Variants in ATP8B3 observed in about 807,000 individuals in gnomAD.
ATP8B3 encodes ATPase phospholipid transporting 8B3, also known as phospholipid-transporting ATPase IK.
ATP8B3 carries 141 observed loss-of-function variants against 140.9 expected under a neutral mutation model. That is an observed-to-expected ratio of 1.00 (90% CI 0.87 to 1.15). The LOEUF is 1.15. Among genes scored for constraint, ATP8B3 ranks in the 50% most tolerant of loss-of-function variants. ATP8B3 has a pLI of 0.00. For missense variants in ATP8B3, 1,874 were observed against 1,740.6 expected (o/e 1.08, Z -1.36); for synonymous variants, 765 against 714.6 (o/e 1.07, Z -1.13).
chr19:1,805,428 G>A lies in ATP8B3; in HGVS notation c.850C>T (p.Leu284=). The change falls in exon 10 of 29, where the codon CTG becomes TTG. Residue 284 remains leucine (L), a synonymous_variant. Transcript: ENST00000310127. The surrounding 1 kb of genome is among the most constrained non-coding windows in gnomAD (Gnocchi z 5.2). The part of the protein sequence containing the change: ...GETNLKFRQA[L]MVTHKELATI... The stretch of plus-strand genomic sequence containing the variant: ...GCCAGTTCTTTGTGGGTGACCATCA[G>A]GGCCTGTCTGAACTTCAAGTTGGTC... 1 of 1,565,512 alleles carries A rather than the reference G, an allele frequency of 6.4e-7. No homozygotes were observed.
chr19:1,789,353 C>T lies in ATP8B3; in HGVS notation c.2845+8G>A, dbSNP rs1222347832. ...CCAGGCACCCCCAGCCCCGCCGCCG[C>T]CACCCACTCTTGATCATGTTGATGT... On this transcript the variant is annotated splice_region_variant and intron_variant, in intron 23 of 28. Transcript: ENST00000310127. 6 of 1,517,518 alleles carry T rather than the reference C, an allele frequency of 4.0e-6. No homozygotes were observed. The highest frequency in any genetic ancestry group is 5.3e-6 in the Non-Finnish European group (6 of 1,131,890). The allele number at this position is 1,517,518 out of a possible 1,614,324, so 94.0% of individuals were successfully genotyped here.
In ATP8B3 at chr19:1,806,410, C is replaced by T. The variant is rs2069021658; in HGVS notation, c.677+218G>A. On this transcript the variant is annotated intron_variant, in intron 7 of 28. Transcript: ENST00000310127. This position sits in a 1 kb window ranked among gnomAD's most constrained non-coding sequence, Gnocchi z 5.6. ...CAGACTTTCCTTGTCCTCCCCATCGCCCGAGCCCTAAGCTCTGCAAGGGTT... is the reference window on the plus strand; with the variant it reads ...CAGACTTTCCTTGTCCTCCCCATCGTCCGAGCCCTAAGCTCTGCAAGGGTT... 1 of 1,444,736 alleles carries T rather than the reference C, an allele frequency of 6.9e-7. No individual in the cohort carries two copies. Among genetic ancestry groups the T allele is most frequent in the South Asian group, 1.5e-5 (1 of 68,020 alleles). 89.5% of individuals were successfully genotyped at this position (1,444,736 alleles called of 1,614,324 possible). A position where few individuals can be genotyped will look rare whatever the true frequency, so the allele number is the denominator to read the frequency against.
At chr19:1,799,617 A>C (rs1327148513) in intron 14 of ATP8B3, 4 of 514,192 alleles carry the variant, frequency 7.8e-6, no homozygotes, top group African/African-American at 2.0e-5. Context: ...AATACAAAAA[A>C]ATTAGGTGTG....
intron 10 of ATP8B3, among the ~76,000 whole-genome samples, chr19:1,804,484 T>C (rs1354536103): frequency 6.6e-6 from 1 of 152,222 alleles, no homozygotes; most frequent in Non-Finnish European, 1.5e-5. Flanking sequence ...GGCGGGCGCC[T>C]GTAGTCCCAG....
chr19:1,806,789 G>A lies in ATP8B3; in HGVS notation c.616-100C>T, dbSNP rs555835604. On this transcript the variant is annotated intron_variant, in intron 6 of 28. Coordinates refer to ENST00000310127, the MANE Select transcript of ATP8B3 (RefSeq NM_138813.4). The surrounding 1 kb of genome is among the most constrained non-coding windows in gnomAD (Gnocchi z 5.6). ...GCCCAGCAGTGCCCGCCCGCAACACGGGGTCCCTGTCCGCTGGCCCCACGC... is the reference window on the plus strand; with the variant it reads ...GCCCAGCAGTGCCCGCCCGCAACACAGGGTCCCTGTCCGCTGGCCCCACGC... 21 of 1,328,636 alleles carry A rather than the reference G, an allele frequency of 1.6e-5. No individual in the cohort carries two copies. The highest frequency in any genetic ancestry group is 3.8e-4 in the Middle Eastern group (2 of 5,252). 82.3% of individuals were successfully genotyped at this position (1,328,636 alleles called of 1,614,324 possible). A position where few individuals can be genotyped will look rare whatever the true frequency, so the allele number is the denominator to read the frequency against.
At chr19:1,783,567 C>A (rs2068220530) in intron 28 of ATP8B3, among the ~76,000 whole-genome samples, 1 of 152,196 alleles carries the variant, frequency 6.6e-6, no homozygotes, top group Admixed American at 6.5e-5. Context: ...AATCAGAGTC[C>A]TTCCCTGGGA....
chr19:1,789,177 C>T (rs2068404433), intron 23 of ATP8B3, 57 bp from the exon 24 acceptor site: 1 of 1,107,258 alleles, frequency 9.0e-7, no homozygotes, highest in Non-Finnish European at 1.2e-6. Flanking sequence ...CGCCCGCCCC[C>T]CCAGACCCCC....
rs1288052591 is a variant in ATP8B3, at chr19:1,782,782, C to A, written c.*246G>T. ...ACAGCAACTTCTCAGGAGAAGGTGG[C>A]CTCTGCTTGGGTGACAATGACCTCT... On this transcript the variant is annotated 3_prime_UTR_variant, in exon 29 of 29. Coordinates refer to ENST00000310127, the MANE Select transcript of ATP8B3 (RefSeq NM_138813.4). 1.5e-5 allele frequency: 8 copies of A among 526,794 alleles called. No homozygotes were observed. The highest frequency in any genetic ancestry group is 2.4e-5 in the Non-Finnish European group (7 of 294,024). The allele number at this position is 526,794 out of a possible 1,614,324, so 32.6% of individuals were successfully genotyped here.
chr19:1,792,173 A>G, intron 18 of ATP8B3, 38 bp from the exon 19 acceptor site: 4 of 1,530,886 alleles, frequency 2.6e-6, no homozygotes, highest in Non-Finnish European at 3.5e-6. Context: ...ACCATGCTGA[A>G]GCCGACATCC....
In ATP8B3 at chr19:1,794,681, G is replaced by A. The variant is rs935998114; in HGVS notation, c.2055+1194C>T. On this transcript the variant is annotated intron_variant, in intron 18 of 28. Transcript: ENST00000310127. This position sits in a 1 kb window ranked among gnomAD's most constrained non-coding sequence, Gnocchi z 4.8. ...AAAGCTTCTGAATGACAAAGGTGCAGGGAAGACCCTCCCAGCACAGGAAAC... is the reference window on the plus strand; with the variant it reads ...AAAGCTTCTGAATGACAAAGGTGCAAGGAAGACCCTCCCAGCACAGGAAAC... Among the ~76,000 whole-genome samples, 1 of 152,172 alleles carries A rather than the reference G, an allele frequency of 6.6e-6. No homozygotes were observed. Among genetic ancestry groups the A allele is most frequent in the Non-Finnish European group, 1.5e-5 (1 of 68,028 alleles).
chr19:1,806,520 G>A lies in ATP8B3; in HGVS notation c.677+108C>T, dbSNP rs182173003. The A allele has an allele frequency of 2.0e-3, 3,035 of 1,512,980 alleles. 47 individuals are homozygous for A. The African/African-American group carries it at 0.036, about 18-fold the overall frequency. 93.7% of individuals were successfully genotyped at this position (1,512,980 alleles called of 1,614,324 possible). A position where few individuals can be genotyped will look rare whatever the true frequency, so the allele number is the denominator to read the frequency against. On this transcript the variant is annotated intron_variant, in intron 7 of 28. Coordinates refer to ENST00000310127, the MANE Select transcript of ATP8B3 (RefSeq NM_138813.4). This position sits in a 1 kb window ranked among gnomAD's most constrained non-coding sequence, Gnocchi z 5.6. Reference sequence around the variant, plus strand: ...CGGTTCCTGTCGGACTCAACCAGCCGGGAGATCAGGGAGCACGGAAGGTGA... The same window carrying A: ...CGGTTCCTGTCGGACTCAACCAGCCAGGAGATCAGGGAGCACGGAAGGTGA...
rs565754776 is a variant in ATP8B3 at position 1,805,151 on chromosome 19, T to C, written c.904+223A>G. ...CCACCACGCCCAGCTACTTGTTTTATTTTTGTAGAGATGGGGTCTCGTTAT... is the reference window on the plus strand; with the variant it reads ...CCACCACGCCCAGCTACTTGTTTTACTTTTGTAGAGATGGGGTCTCGTTAT... On this transcript the variant is annotated intron_variant, in intron 10 of 28. Transcript: ENST00000310127. The surrounding 1 kb of genome is among the most constrained non-coding windows in gnomAD (Gnocchi z 5.2). The C allele has an allele frequency of 7.8e-5, 41 of 528,628 alleles. No individual in the cohort carries two copies. The highest frequency in any genetic ancestry group is 7.1e-4 in the African/African-American group (37 of 52,348). The allele number at this position is 528,628 out of a possible 1,614,324, so 32.7% of individuals were successfully genotyped here.
intron 24 of ATP8B3, 130 bp from the exon 25 acceptor site, chr19:1,787,316 G>T: frequency 3.0e-6 from 2 of 671,218 alleles, no homozygotes; most frequent in Non-Finnish European, 5.2e-6. Context: ...TTGGGGCTGG[G>T]ACTGGGGTGG....
In ATP8B3 at chr19:1,807,632, C is replaced by G. The variant is rs1239417756; in HGVS notation, c.517-366G>C. ...ACCCTGCAGGTGTGAGCTCCACCAT[C>G]CCCTACCCTGGCACCCGGCCAGCGG... On this transcript the variant is annotated intron_variant, in intron 5 of 28. Transcript: ENST00000310127. This position sits in a 1 kb window ranked among gnomAD's most constrained non-coding sequence, Gnocchi z 5.9. 6.6e-6 allele frequency among the ~76,000 whole-genome samples: 1 copy of G among 152,132 alleles called. No homozygotes were observed. Among genetic ancestry groups the G allele is most frequent in the African/African-American group, 2.4e-5 (1 of 41,454 alleles).
rs1373754132 is a variant in ATP8B3 at position 1,802,247 on chromosome 19, C to G, written c.1064-203G>C. ...CACCCCTACCCACCCATCACTCACC[C>G]ATCCACCCACCCCCCACTCATCCAC... On this transcript the variant is annotated intron_variant, in intron 11 of 28. Coordinates refer to ENST00000310127, the MANE Select transcript of ATP8B3 (RefSeq NM_138813.4). Among the ~76,000 whole-genome samples the G allele has an allele frequency of 1.3e-4, 5 of 37,366 alleles. No homozygotes were observed. In the East Asian group the frequency reaches 3.5e-3, roughly 26 times the overall value. The allele number at this position is 37,366 out of a possible 152,430, so 24.5% of individuals were successfully genotyped here. A position where few individuals can be genotyped will look rare whatever the true frequency, so the allele number is the denominator to read the frequency against.
At chr19:1,784,996 GC>G in intron 27 of ATP8B3, 50 bp from the exon 28 acceptor site, 1 of 1,570,080 alleles carries the variant, frequency 6.4e-7, no homozygotes, top group East Asian at 2.2e-5. Flanking sequence ...CTCCAAGGAT[GC>G]CCCCAGGCTA....
chr19:1,791,170 G>A (rs1245213936), intron 20 of ATP8B3, among the ~76,000 whole-genome samples: 1 of 151,980 alleles, frequency 6.6e-6, no homozygotes, highest in Non-Finnish European at 1.5e-5. Context: ...AATTGAATAT[G>A]TTTCCCTGGG....
In ATP8B3 at chr19:1,785,660, C is replaced by T. The variant is rs367951846; in HGVS notation, c.3202G>A (p.Gly1068Arg). 1 of 1,612,990 alleles carries T rather than the reference C, an allele frequency of 6.2e-7. No homozygotes were observed. Among genetic ancestry groups the T allele is most frequent in the Non-Finnish European group, 8.5e-7 (1 of 1,179,768 alleles). Residue 1068 changes from glycine to arginine, a missense_variant, in exon 26 of 29, where the codon GGG becomes AGG. By Grantham distance (125) the Gly-to-Arg change is moderately radical. This residue lies in a region of ATP8B3 where 840 missense variants were observed against 760.9 expected (regional missense o/e 1.10). Transcript: ENST00000310127. Reference sequence around the variant, plus strand: ...TAGTTGAAGAGCTCGTCCTTCTGCCCCACCACGTACAGCTCCGGCTTCTCC... The same window carrying T: ...TAGTTGAAGAGCTCGTCCTTCTGCCTCACCACGTACAGCTCCGGCTTCTCC... ...SLEKPELYVV[G>R]QKDELFNYWV... is the part of the protein sequence containing the mutation.
At chr19:1,790,652 T>A in intron 21 of ATP8B3, 105 bp downstream of exon 21, 1 of 398,810 alleles carries the variant, frequency 2.5e-6, no homozygotes, top group Non-Finnish European at 3.8e-6. Context: ...ATCCCCCCCT[T>A]CCCACTGTGC....
Sources: allele counts gnomAD v4.1 joint callset (sites outside exome capture counted in the v4.1 genomes callset), GRCh38; gene constraint gnomAD v4.1.1; regional missense constraint gnomAD v4.1.1; non-coding constraint Gnocchi (gnomAD v3.1); transcripts MANE v1.5; gene names NCBI Gene and HGNC (gene_info 2026-07-23, HGNC 2026-07-21).